The following CIB4 variants were observed in gnomAD, a reference collection of about 807,000 sequenced individuals.
CIB4 encodes the protein calcium and integrin binding family member 4.
In CIB4, 25 loss-of-function variants were observed where a neutral mutation model predicts 25.8. The observed-to-expected ratio is 0.97, with a 90% CI of 0.71 to 1.35. The LOEUF is 1.35. Ranked by LOEUF, CIB4 falls within the 40% of genes most tolerant of loss-of-function variation. The pLI is 0.00. For synonymous variants in CIB4, 75 were observed against 81.4 expected (o/e 0.92, Z 0.42); for missense variants, 235 against 228.2 (o/e 1.03, Z -0.19).
chr2:26,629,003 G>C (rs1669362362), intron 3 of CIB4, among the ~76,000 whole-genome samples: 1 of 152,158 alleles, frequency 6.6e-6, no homozygotes, highest in Non-Finnish European at 1.5e-5. Flanking sequence ...CAAACAGAGT[G>C]GGGTGGACTG....
At chr2:26,582,765 GGGGCCCTTCCTGCCCCC>G in intron 6 of CIB4, 43 bp downstream of exon 6, 2 of 1,018,192 alleles carry the variant, frequency 2.0e-6, no homozygotes, top group South Asian at 2.7e-5. Flanking sequence ...GGAGAGACTG[GGGGCCCTTCCTGCCCCC>G]ACCACTCTCC....
chr2:26,603,071 G>A (rs1313419797), intron 3 of CIB4, among the ~76,000 whole-genome samples: 1 of 143,370 alleles, frequency 7.0e-6, no homozygotes, highest in Non-Finnish European at 1.5e-5. Context: ...GTGGGGTGGG[G>A]GGGTTCACTT....
intron 4 of CIB4, among the ~76,000 whole-genome samples, chr2:26,590,703 C>T (rs553815220): frequency 1.3e-5 from 2 of 152,306 alleles, no homozygotes; most frequent in Admixed American, 6.5e-5. Flanking sequence ...ACCTTCCGAG[C>T]CCAGAGAGAA....
At chr2:26,584,146 T>C (rs1668406696) in intron 4 of CIB4, among the ~76,000 whole-genome samples, 1 of 152,184 alleles carries the variant, frequency 6.6e-6, no homozygotes, top group African/African-American at 2.4e-5. Flanking sequence ...CTGAGAGCTT[T>C]AAGTCATTGA....
At position 26,595,288 on chromosome 2, in the gene CIB4, T is replaced by C. The variant is rs1668661116; in HGVS notation, c.216A>G (p.Arg72=). 1 of 1,613,982 alleles carries C rather than the reference T, an allele frequency of 6.2e-7. No individual in the cohort carries two copies. The highest frequency in any genetic ancestry group is 8.5e-7 in the Non-Finnish European group (1 of 1,179,898). Residue 72 remains arginine (R), a synonymous_variant, in exon 4 of 7, where the codon AGA becomes AGG. Coordinates refer to ENST00000288861, the MANE Select transcript of CIB4 (RefSeq NM_001029881.3). The part of the protein sequence containing the change: ...RVNPFRDRIC[R]VFSHKGMFSF... ...AGAACATGCCTTTGTGGGAGAACAC[T>C]CTGCAGATACGGTCTCTGAAAGGGT...
In CIB4 at chr2:26,586,318, G is replaced by A. The variant is rs149771749; in HGVS notation, c.329-2420C>T. Among the ~76,000 whole-genome samples the A allele has an allele frequency of 8.9e-3, 1,356 of 152,218 alleles. 17 individuals carry two copies. Among genetic ancestry groups the A allele is most frequent in the Non-Finnish European group, 0.015 (1,002 of 68,008 alleles). On this transcript the variant is annotated intron_variant, in intron 4 of 6. Coordinates refer to ENST00000288861, the MANE Select transcript of CIB4 (RefSeq NM_001029881.3). ...CAATCCTGCCTCAGGGCCTTTGCAC[G>A]GAGGCTCCCCCTCCTCGGGACACTC...
intron 2 of CIB4, among the ~76,000 whole-genome samples, chr2:26,633,538 G>T (rs1453589097): frequency 1.3e-5 from 2 of 152,166 alleles, no homozygotes; most frequent in African/African-American, 4.8e-5. Flanking sequence ...GGTGCTGGTG[G>T]GGTGCCTGCC....
At position 26,593,353 on chromosome 2, in the gene CIB4, T is replaced by C. The variant is rs74384329; in HGVS notation, c.328+1823A>G. Among the ~76,000 whole-genome samples the C allele has an allele frequency of 7.1e-4, 108 of 151,736 alleles. 1 individual carries two copies. In the East Asian group the frequency reaches 0.011, roughly 15 times the overall value. ...GTGTGTGTGTGTATATATACATATATACATATACATATATACACACGCACA... is the reference window on the plus strand; with the variant it reads ...GTGTGTGTGTGTATATATACATATACACATATACATATATACACACGCACA... On this transcript the variant is annotated intron_variant, in intron 4 of 6. Transcript: ENST00000288861.
At chr2:26,635,184 AG>A (rs1669509329) in intron 2 of CIB4, among the ~76,000 whole-genome samples, 1 of 152,248 alleles carries the variant, frequency 6.6e-6, no homozygotes, top group African/African-American at 2.4e-5. Context: ...AACATGTGAA[AG>A]GAAAGTCTCA....
intron 6 of CIB4, 70 bp from the exon 7 acceptor site, chr2:26,581,463 A>G (rs367739525): frequency 7.5e-5 from 112 of 1,497,224 alleles, no homozygotes; most frequent in Non-Finnish European, 9.9e-5. Flanking sequence ...CTGGGTTCAC[A>G]GTAGTCCTGG....
intron 4 of CIB4, among the ~76,000 whole-genome samples, chr2:26,584,108 G>C (rs1050557495): frequency 6.6e-6 from 1 of 152,126 alleles, no homozygotes; most frequent in Non-Finnish European, 1.5e-5. Flanking sequence ...AGTATCGATC[G>C]TGTGTGTACT....
At chr2:26,601,234 AT>A (rs1558561092) in intron 3 of CIB4, among the ~76,000 whole-genome samples, 115 of 8,788 alleles carry the variant, frequency 0.013, no homozygotes, top group South Asian at 0.038. Flanking sequence ...AAAAAAAAAT[AT>A]ATATATATAT....
intron 5 of CIB4, among the ~76,000 whole-genome samples, chr2:26,583,161 C>T (rs1259583822): frequency 2.0e-5 from 3 of 152,124 alleles, no homozygotes; most frequent in African/African-American, 7.2e-5. Context: ...CAAGAGTGTC[C>T]CCCACCTGCC....
intron 3 of CIB4, among the ~76,000 whole-genome samples, chr2:26,618,209 T>C (rs931078022): frequency 6.6e-6 from 1 of 152,090 alleles, no homozygotes; most frequent in Non-Finnish European, 1.5e-5. Context: ...ATGTGCCATA[T>C]CCAGAGGAAA....
intron 5 of CIB4, 126 bp from the exon 6 acceptor site, chr2:26,583,039 T>C (rs1210498073): frequency 2.1e-5 from 13 of 626,324 alleles, no homozygotes; most frequent in Non-Finnish European, 3.8e-5. Flanking sequence ...GTCTCCTGGG[T>C]CCCCTGACCC....
intron 3 of CIB4, among the ~76,000 whole-genome samples, chr2:26,597,622 A>G (rs770542458): frequency 2.6e-5 from 4 of 152,168 alleles, no homozygotes; most frequent in Admixed American, 6.5e-5. Flanking sequence ...TGTTTGTTAA[A>G]TATTTTATGT....
intron 3 of CIB4, among the ~76,000 whole-genome samples, chr2:26,596,115 G>A (rs1668678583): frequency 6.6e-6 from 1 of 152,148 alleles, no homozygotes; most frequent in Admixed American, 6.5e-5. Flanking sequence ...GTTAAATAAA[G>A]GTATAGATTT....
At chr2:26,587,304 CAAAAAAAAAAA>C (rs71399396) in intron 4 of CIB4, among the ~76,000 whole-genome samples, 3 of 61,466 alleles carry the variant, frequency 4.9e-5, no homozygotes, top group African/African-American at 2.2e-4. Context: ...GACTCCGTCT[CAAAAAAAAAAA>C]AAAAAAAAAA....
chr2:26,608,590 G>A (rs1572555708), intron 3 of CIB4, among the ~76,000 whole-genome samples: 1 of 152,184 alleles, frequency 6.6e-6, no homozygotes, highest in Admixed American at 6.5e-5. Context: ...GACACCAGAT[G>A]CTGTCAGGCT....
Sources: gnomAD v4.1 joint callset for allele counts (sites outside exome capture counted in the v4.1 genomes callset) on GRCh38, gnomAD v4.1.1 for gene constraint, MANE v1.5 for transcripts, NCBI Gene and HGNC (gene_info 2026-07-23, HGNC 2026-07-21) for gene names.